Variants in SPTLC2 observed in about 807,000 individuals in gnomAD.
SPTLC2 encodes the protein serine palmitoyltransferase long chain base subunit 2, also known as serine palmitoyltransferase 2.
In SPTLC2, 21 loss-of-function variants were observed where a neutral mutation model predicts 62.0. That is an observed-to-expected ratio of 0.34 (90% CI 0.24 to 0.49). The LOEUF (loss-of-function observed/expected upper bound fraction) is 0.49. Ranked by LOEUF, SPTLC2 falls within the 20% of genes least tolerant of loss-of-function variation. SPTLC2 has a pLI of 0.99. For synonymous variants in SPTLC2, 261 were observed against 261.8 expected, an observed-to-expected ratio of 1.00 and a Z score of 0.03; for missense variants, 511 against 713.0, an observed-to-expected ratio of 0.72 and a Z score of 3.23.
At chr14:77,598,449 G>T (rs1390264575) in intron 1 of SPTLC2, among the ~76,000 whole-genome samples, 1 of 152,174 alleles carries the variant, frequency 6.6e-6, no homozygotes, top group Non-Finnish European at 1.5e-5. Flanking sequence ...AAGTTCAAAA[G>T]TAAATTCAGC....
chr14:77,596,337 CAA>C (rs147299483), intron 2 of SPTLC2, among the ~76,000 whole-genome samples: 8 of 125,888 alleles, frequency 6.4e-5, no homozygotes, highest in East Asian at 2.3e-4. Flanking sequence ...AGACTTGTCT[CAA>C]AAAAAAAAAA....
intron 9 of SPTLC2, among the ~76,000 whole-genome samples, chr14:77,536,220 T>G (rs1216253999): frequency 6.6e-6 from 1 of 152,196 alleles, no homozygotes; most frequent in Non-Finnish European, 1.5e-5. Context: ...TGGATAGTGG[T>G]GATGGTTGCA....
intron 10 of SPTLC2, among the ~76,000 whole-genome samples, chr14:77,518,440 A>G (rs1353738340): frequency 6.6e-6 from 1 of 152,134 alleles, no homozygotes; most frequent in Non-Finnish European, 1.5e-5. Context: ...TACCAAAAAT[A>G]CAAAAAATTA....
At chr14:77,610,948 TAAA>T (rs1400851870) in intron 1 of SPTLC2, among the ~76,000 whole-genome samples, 1 of 91,838 alleles carries the variant, frequency 1.1e-5, no homozygotes, top group Non-Finnish European at 2.1e-5. Context: ...TTTGTTTAAG[TAAA>T]AAAGAGACTA....
chr14:77,591,581 T>A (rs2079816708), intron 2 of SPTLC2, among the ~76,000 whole-genome samples: 1 of 152,186 alleles, frequency 6.6e-6, no homozygotes, highest in Non-Finnish European at 1.5e-5. Flanking sequence ...TTATTTTTTT[T>A]AGACAATCTC....
chr14:77,530,480 C>T (rs747547834), intron 9 of SPTLC2, among the ~76,000 whole-genome samples: 71 of 152,194 alleles, frequency 4.7e-4, no homozygotes, highest in South Asian at 6.2e-4. Context: ...AGGTGCCCGC[C>T]ACCAGACTTA....
At chr14:77,591,363 G>C (rs1289738835) in intron 2 of SPTLC2, among the ~76,000 whole-genome samples, 1 of 152,114 alleles carries the variant, frequency 6.6e-6, no homozygotes, top group African/African-American at 2.4e-5. Context: ...AATGGTTCAT[G>C]GTTTCTTTTT....
intron 6 of SPTLC2, among the ~76,000 whole-genome samples, chr14:77,561,594 G>C (rs1246372680): frequency 6.7e-6 from 1 of 149,650 alleles, no homozygotes; most frequent in East Asian, 1.9e-4. Context: ...CTGGGTGACA[G>C]AGCGAGACTC....
chr14:77,595,765 G>A (rs139295435), intron 2 of SPTLC2, among the ~76,000 whole-genome samples: 13 of 152,228 alleles, frequency 8.5e-5, no homozygotes, highest in East Asian at 3.9e-4. Flanking sequence ...TCGTCTCAGC[G>A]TTGACTTTGC....
rs116240303 is a variant in SPTLC2 at position 77,575,378 on chromosome 14, G to A, written c.631+1389C>T. 8.0e-3 allele frequency among the ~76,000 whole-genome samples: 1,213 copies of A among 152,232 alleles called. 25 individuals are homozygous for A. Among genetic ancestry groups the A allele is most frequent in the African/African-American group, 0.028 (1,164 of 41,536 alleles). On this transcript the variant is annotated intron_variant, in intron 4 of 11. Coordinates refer to ENST00000216484, the MANE Select transcript of SPTLC2 (RefSeq NM_004863.4). ...GATTAAATATGGATGCAAATTCTTT[G>A]TTATTCTTCCCATTTGGAGGTGGAG...
chr14:77,531,762 T>C (rs1182201445), intron 9 of SPTLC2, among the ~76,000 whole-genome samples: 1 of 152,104 alleles, frequency 6.6e-6, no homozygotes, highest in Non-Finnish European at 1.5e-5. Context: ...TCTGCTGGCC[T>C]TGGCCTCCCA....
intron 4 of SPTLC2, among the ~76,000 whole-genome samples, chr14:77,574,815 G>T (rs908869271): frequency 6.6e-6 from 1 of 151,980 alleles, no homozygotes; most frequent in Non-Finnish European, 1.5e-5. Context: ...ACAAAAAGTA[G>T]ACTACTGGTT....
At chr14:77,559,476 A>G (rs900283412) in intron 6 of SPTLC2, among the ~76,000 whole-genome samples, 1 of 152,236 alleles carries the variant, frequency 6.6e-6, no homozygotes, top group Non-Finnish European at 1.5e-5. Context: ...GAATAACATT[A>G]TGATCTGAGA....
chr14:77,582,620 G>T (rs898256397), intron 2 of SPTLC2, among the ~76,000 whole-genome samples: 2 of 152,132 alleles, frequency 1.3e-5, no homozygotes, highest in African/African-American at 4.8e-5. Flanking sequence ...AAAACCAGAG[G>T]CACAGCTGTC....
Position 77,616,630 on chromosome 14 carries a change from C to G in SPTLC2, c.-51G>C. The G allele has an allele frequency of 6.6e-7, 1 of 1,517,244 alleles. No homozygotes were observed. The highest frequency in any genetic ancestry group is 8.8e-7 in the Non-Finnish European group (1 of 1,132,480). The allele number at this position is 1,517,244 out of a possible 1,614,324, so 94.0% of individuals were successfully genotyped here. On this transcript the variant is annotated 5_prime_UTR_variant, in exon 1 of 12. Coordinates refer to ENST00000216484, the MANE Select transcript of SPTLC2 (RefSeq NM_004863.4). ...CAGGCTCTGTAGGCGGTGGCAGCGGCGGCGGCTGCTCCAAGTCCCGCTCCG... is the reference window on the plus strand; with the variant it reads ...CAGGCTCTGTAGGCGGTGGCAGCGGGGGCGGCTGCTCCAAGTCCCGCTCCG...
At chr14:77,589,323 T>G (rs1161445710) in intron 2 of SPTLC2, among the ~76,000 whole-genome samples, 1 of 152,060 alleles carries the variant, frequency 6.6e-6, no homozygotes, top group East Asian at 1.9e-4. Flanking sequence ...GAATGAGATT[T>G]CAAGATAAAA....
chr14:77,533,362 G>C (rs2079451247), intron 9 of SPTLC2, among the ~76,000 whole-genome samples: 1 of 148,050 alleles, frequency 6.8e-6, no homozygotes, highest in East Asian at 2.0e-4. Context: ...GTATAACAAA[G>C]TCCTCCTAAA....
intron 9 of SPTLC2, among the ~76,000 whole-genome samples, chr14:77,524,172 G>A (rs2079397978): frequency 6.6e-6 from 1 of 152,186 alleles, no homozygotes; most frequent in African/African-American, 2.4e-5. Flanking sequence ...CCAGACATGA[G>A]ACTGCACACT....
At chr14:77,596,294 G>A (rs1014834482) in intron 2 of SPTLC2, among the ~76,000 whole-genome samples, 4 of 151,504 alleles carry the variant, frequency 2.6e-5, no homozygotes, top group Admixed American at 6.6e-5. Context: ...AGCCGAGACC[G>A]AGCCACTGCA....
Sources: allele counts gnomAD v4.1 joint callset (sites outside exome capture counted in the v4.1 genomes callset), GRCh38; gene constraint gnomAD v4.1.1; transcripts MANE v1.5; gene names NCBI Gene and HGNC (gene_info 2026-07-23, HGNC 2026-07-21).